Variants in NSRP1 observed in about 807,000 individuals in gnomAD.
NSRP1 encodes nuclear speckle splicing regulatory protein 1, also known as coiled-coil domain containing 55.
A neutral mutation model predicts 54.7 loss-of-function variants in NSRP1; 24 were observed. The observed-to-expected ratio is 0.44, with a 90% CI of 0.32 to 0.62. The LOEUF (loss-of-function observed/expected upper bound fraction) is 0.62, where lower values mean the gene tolerates loss of function less well. Ranked by LOEUF, NSRP1 falls within the 20% of genes least tolerant of loss-of-function variation. The pLI is 0.06. For synonymous variants in NSRP1, 210 were observed against 213.8 expected, an observed-to-expected ratio of 0.98 and a Z score of 0.15; for missense variants, 596 against 651.2, an observed-to-expected ratio of 0.92 and a Z score of 0.92.
At chr17:30,171,469 C>T (rs1262227621) in intron 2 of NSRP1, among the ~76,000 whole-genome samples, 2 of 150,514 alleles carry the variant, frequency 1.3e-5, no homozygotes, top group East Asian at 3.9e-4. Context: ...ACACTCCCGG[C>T]TCATCTTTGT....
intron 2 of NSRP1, among the ~76,000 whole-genome samples, chr17:30,151,213 T>C (rs1358660347): frequency 6.6e-6 from 1 of 152,190 alleles, no homozygotes; most frequent in African/African-American, 2.4e-5. Context: ...GTTTGTCTTT[T>C]TATTGTTGAA....
intron 1 of NSRP1, chr17:30,117,490 GA>G: frequency 4.8e-6 from 2 of 418,800 alleles, no homozygotes; most frequent in Admixed American, 7.8e-5. Context: ...AAAGGAGTTG[GA>G]TCTGATGGGA....
rs542464685 is a variant in NSRP1, at chr17:30,151,180, T to C, written c.115-21362T>C. The stretch of plus-strand genomic sequence containing the variant: ...TGTATTTCTTCTTTGAAAAAAGTGT[T>C]CAACTCCTTTGTCCATTTTTTAGTT... On this transcript the variant is annotated intron_variant, in intron 2 of 6. Transcript: ENST00000247026. 1.8e-4 allele frequency among the ~76,000 whole-genome samples: 27 copies of C among 152,338 alleles called. 1 individual carries two copies. Among genetic ancestry groups the C allele is most frequent in the African/African-American group, 6.3e-4 (26 of 41,564 alleles).
intron 2 of NSRP1, among the ~76,000 whole-genome samples, chr17:30,152,306 G>A (rs1486523895): frequency 3.3e-5 from 5 of 151,314 alleles, no homozygotes; most frequent in Non-Finnish European, 7.4e-5. Flanking sequence ...TTTTAGTAGA[G>A]ACAGGGTTTC....
intron 1 of NSRP1, 58 bp downstream of exon 1, chr17:30,116,921 C>CT (rs2071538683): frequency 1.3e-6 from 2 of 1,550,700 alleles, no homozygotes; most frequent in Non-Finnish European, 1.7e-6. Context: ...GCGACTGTAT[C>CT]TTTGGCCGAG....
chr17:30,179,414 T>A (rs932207941), intron 5 of NSRP1, 117 bp downstream of exon 5: 3 of 1,365,252 alleles, frequency 2.2e-6, no homozygotes, highest in Non-Finnish European at 2.8e-6. Context: ...ATAATTTATA[T>A]ATAGGAATTC....
chr17:30,145,694 CT>C (rs1218677219), intron 2 of NSRP1, among the ~76,000 whole-genome samples: 15 of 148,162 alleles, frequency 1.0e-4, no homozygotes, highest in East Asian at 8.0e-4. Context: ...TATTTATTTA[CT>C]TTTTTTTTTG....
intron 5 of NSRP1, 26 bp downstream of exon 5, chr17:30,179,323 C>T: frequency 6.5e-7 from 1 of 1,545,226 alleles, no homozygotes. Context: ...GGGAAAGGCA[C>T]AAGGAAACAG....
chr17:30,158,950 T>A (rs1753383104), intron 2 of NSRP1, among the ~76,000 whole-genome samples: 1 of 152,202 alleles, frequency 6.6e-6, no homozygotes, highest in Non-Finnish European at 1.5e-5. Flanking sequence ...TTCAGGCTCT[T>A]TGTAGTTTCA....
At chr17:30,156,646 A>T (rs2071965619) in intron 2 of NSRP1, 1 of 152,110 alleles carries the variant, frequency 6.6e-6, no homozygotes, top group Admixed American at 6.6e-5. Flanking sequence ...CAGCCTCCCA[A>T]ATAGCTGCAA....
chr17:30,134,756 G>C (rs1176811376), intron 2 of NSRP1, among the ~76,000 whole-genome samples: 1 of 152,194 alleles, frequency 6.6e-6, no homozygotes, highest in African/African-American at 2.4e-5. Context: ...AATTTCCAGA[G>C]TTTCAGAGAA....
chr17:30,147,543 A>G (rs2071868140), intron 2 of NSRP1, among the ~76,000 whole-genome samples: 2 of 151,706 alleles, frequency 1.3e-5, no homozygotes, highest in African/African-American at 4.9e-5. Context: ...GGCTCACTGC[A>G]AGCCCCGCCT....
chr17:30,164,038 C>T (rs561583404), intron 2 of NSRP1, among the ~76,000 whole-genome samples: 1 of 151,804 alleles, frequency 6.6e-6, no homozygotes, highest in South Asian at 2.1e-4. Flanking sequence ...TGCGTGTGTG[C>T]GAAGTATTGT....
intron 2 of NSRP1, among the ~76,000 whole-genome samples, chr17:30,159,854 G>A (rs1344713508): frequency 1.3e-5 from 2 of 151,988 alleles, no homozygotes; most frequent in East Asian, 1.9e-4. Flanking sequence ...TAGAGATGGC[G>A]TTTCACCATG....
intron 2 of NSRP1, among the ~76,000 whole-genome samples, chr17:30,136,601 T>C (rs1177594725): frequency 1.3e-5 from 2 of 152,216 alleles, no homozygotes; most frequent in African/African-American, 4.8e-5. Context: ...TCATTATTGC[T>C]TCCTGGGTGA....
chr17:30,178,990 T>A, intron 4 of NSRP1, 100 bp from the exon 5 acceptor site: 2 of 655,286 alleles, frequency 3.1e-6, no homozygotes, highest in Non-Finnish European at 4.7e-6. Flanking sequence ...CAATCTTATT[T>A]GGGCCAATCA....
At chr17:30,117,460 A>C (rs1346038142) in intron 1 of NSRP1, 1 of 424,586 alleles carries the variant, frequency 2.4e-6, no homozygotes, top group Non-Finnish European at 4.2e-6. Flanking sequence ...CGCATCTTAA[A>C]GGCCAAAACG....
At chr17:30,181,129 G>C (rs929511526) in intron 6 of NSRP1, 113 bp downstream of exon 6, 1 of 723,706 alleles carries the variant, frequency 1.4e-6, no homozygotes, top group African/African-American at 1.8e-5. Context: ...ATATTGTGTT[G>C]TCAGCCAGCC....
intron 2 of NSRP1, among the ~76,000 whole-genome samples, chr17:30,125,094 G>A (rs1408387053): frequency 6.6e-6 from 1 of 152,070 alleles, no homozygotes; most frequent in Non-Finnish European, 1.5e-5. Flanking sequence ...AGCTACTCAG[G>A]CTGAGGCAGG....
Sources: gnomAD v4.1 joint callset for allele counts (sites outside exome capture counted in the v4.1 genomes callset) on GRCh38, gnomAD v4.1.1 for gene constraint, MANE v1.5 for transcripts, NCBI Gene and HGNC (gene_info 2026-07-23, HGNC 2026-07-21) for gene names.